The following SYNE2 variants were observed in gnomAD, a reference collection of about 807,000 sequenced individuals.
The protein encoded by SYNE2 is spectrin repeat containing nuclear envelope protein 2, also known as nesprin-2.
SYNE2 carries 431 observed loss-of-function variants against 856.3 expected under a neutral mutation model. That is an observed-to-expected ratio of 0.50 (90% CI 0.47 to 0.55). The LOEUF (loss-of-function observed/expected upper bound fraction) is 0.55, where lower values mean the gene tolerates loss of function less well. Ranked by LOEUF, SYNE2 falls within the 20% of genes least tolerant of loss-of-function variation. SYNE2 has a pLI of 0.00. For missense variants in SYNE2, 8,129 were observed against 8,023.2 expected (o/e 1.01, Z -0.50); for synonymous variants, 2,923 against 2,872.3 (o/e 1.02, Z -0.56).
At chr14:63,986,985 G>A (rs1207341071) in intron 19 of SYNE2, among the ~76,000 whole-genome samples, 2 of 152,170 alleles carry the variant, frequency 1.3e-5, no homozygotes, top group African/African-American at 2.4e-5. Flanking sequence ...TGGGCGCGGT[G>A]GCTCACACCT....
At chr14:63,799,684 C>T (rs1049475104) in intron 1 of SYNE2, among the ~76,000 whole-genome samples, 1 of 152,132 alleles carries the variant, frequency 6.6e-6, no homozygotes, top group Non-Finnish European at 1.5e-5. Flanking sequence ...CAGAGAGAGA[C>T]TCTGTCTCAA....
intron 1 of SYNE2, among the ~76,000 whole-genome samples, chr14:63,855,946 C>G (rs1891602881): frequency 6.6e-6 from 1 of 152,072 alleles, no homozygotes; most frequent in Non-Finnish European, 1.5e-5. Context: ...GAGAAGGCCT[C>G]TAGGTGGAAG....
intron 1 of SYNE2, among the ~76,000 whole-genome samples, chr14:63,818,410 C>T (rs555569795): frequency 4.0e-5 from 6 of 150,798 alleles, no homozygotes; most frequent in South Asian, 4.2e-4. Context: ...CCCAGCTACT[C>T]GAGAGGCTGA....
chr14:63,976,702 T>TA lies in SYNE2; in HGVS notation c.1269dup (p.Gln424ThrfsTer13). 1 of 1,613,658 alleles carries TA rather than the reference T, an allele frequency of 6.2e-7. No homozygotes were observed. The highest frequency in any genetic ancestry group is 8.5e-7 in the Non-Finnish European group (1 of 1,179,924). On this transcript the variant is annotated frameshift_variant, in exon 12 of 116. Transcript: ENST00000555002. LOFTEE classifies it high-confidence loss of function. ...GATCACTCTCAAGCCGTGACTCTGA[T>TA]ACAAGAGAAAATGACTTTATTCAAG...
chr14:63,798,128 C>T (rs1291615373), intron 1 of SYNE2, among the ~76,000 whole-genome samples: 1 of 152,210 alleles, frequency 6.6e-6, no homozygotes, highest in Non-Finnish European at 1.5e-5. Flanking sequence ...CAGCCTCCAT[C>T]TCCTGGGCTC....
rs564189554 is a variant in SYNE2, at chr14:63,803,431, G to A, written c.-305+41445G>A. 3.3e-5 allele frequency among the ~76,000 whole-genome samples: 5 copies of A among 152,332 alleles called. No homozygotes were observed. In the East Asian group the frequency reaches 5.8e-4, roughly 18 times the overall value. ...CCCCGCAGAAAGGCAGCTAAGGCTCGGTGAGAAATCGAGCGCAGTGCCGGT... is the reference window on the plus strand; with the variant it reads ...CCCCGCAGAAAGGCAGCTAAGGCTCAGTGAGAAATCGAGCGCAGTGCCGGT... On this transcript the variant is annotated intron_variant, in intron 1 of 23. Coordinates refer to the SYNE2 transcript ENST00000674003.
rs886382606 is a variant in SYNE2, at chr14:64,022,881, A to G, written c.5637+18A>G. The G allele has an allele frequency of 3.7e-6, 5 of 1,354,526 alleles. No individual in the cohort carries two copies. In the African/African-American group the frequency reaches 7.3e-5, roughly 20 times the overall value. The allele number at this position is 1,354,526 out of a possible 1,614,324, so 83.9% of individuals were successfully genotyped here. A position where few individuals can be genotyped will look rare whatever the true frequency, so the allele number is the denominator to read the frequency against. On this transcript the variant is annotated intron_variant, in intron 38 of 115. Coordinates refer to ENST00000555002, the MANE Select transcript of SYNE2 (RefSeq NM_182914.3). ...AACTTTCTGTAAGAGATATATGTGT[A>G]TTTTTAATAAAAATTTTCAATACTA... is the stretch of plus-strand genomic sequence containing the variant.
intron 1 of SYNE2, among the ~76,000 whole-genome samples, chr14:63,779,439 C>CA (rs35015201): frequency 0.6 from 70,528 of 118,126 alleles, 20,863 homozygotes; most frequent in South Asian, 0.75. Context: ...TGACTGGTCT[C>CA]AAAAAAAAAA....
rs969875495 is a variant in SYNE2, at chr14:64,051,718, A to G, written c.7805A>G (p.Gln2602Arg). 1.2e-6 allele frequency: 2 copies of G among 1,614,112 alleles called. No individual in the cohort carries two copies. The highest frequency in any genetic ancestry group is 2.7e-5 in the African/African-American group (2 of 74,936). ...DKKLLESQIK[Q>R]LEHGWEQVEQ... ...AAATTGTTGGAAAGCCAGATTAAGC[A>G]ACTTGAACATGGTTGGGAACAAGTG... Residue 2602 changes from glutamine to arginine, a missense_variant, in exon 48 of 116, where the codon CAA becomes CGA. Coordinates refer to ENST00000555002, the MANE Select transcript of SYNE2 (RefSeq NM_182914.3).
At chr14:63,841,868 T>C (rs2139930943) in intron 1 of SYNE2, among the ~76,000 whole-genome samples, 1 of 146,242 alleles carries the variant, frequency 6.8e-6, no homozygotes, top group East Asian at 2.0e-4. Context: ...TGTCTCATTC[T>C]GTCGCCCAGG....
At chr14:63,779,324 T>TTAAA (rs1219922124) in intron 1 of SYNE2, among the ~76,000 whole-genome samples, 4 of 80,438 alleles carry the variant, frequency 5.0e-5, no homozygotes, top group Non-Finnish European at 8.3e-5. Context: ...AAACTCCGTC[T>TTAAA]CAAATAAATA....
At chr14:64,013,837 A>G (rs1370679718) in intron 32 of SYNE2, among the ~76,000 whole-genome samples, 1 of 152,160 alleles carries the variant, frequency 6.6e-6, no homozygotes, top group African/African-American at 2.4e-5. Flanking sequence ...AAACTCACAT[A>G]TAAAAATAAT....
At chr14:63,882,559 T>TA (rs11311787) in intron 1 of SYNE2, among the ~76,000 whole-genome samples, 40 of 143,438 alleles carry the variant, frequency 2.8e-4, no homozygotes, top group East Asian at 8.2e-4. Context: ...CTACACAAAG[T>TA]AAAAAAAAAA....
Position 64,087,727 on chromosome 14 carries a change from T to A in SYNE2, c.11541T>A (p.Asp3847Glu). 2 of 1,614,160 alleles carry A rather than the reference T, an allele frequency of 1.2e-6. No individual in the cohort carries two copies. Among genetic ancestry groups the A allele is most frequent in the Non-Finnish European group, 1.7e-6 (2 of 1,180,020 alleles). ...KHNLLHSIFM[D>E]LEDLSIIFET... ...ATCTTTTACATTCAATCTTTATGGA[T>A]CTAGAAGACCTGTCAATAATTTTTG... The change falls in exon 58 of 116, where the codon GAT (aspartate) becomes GAA (glutamate). Residue 3847 changes from aspartate (D) to glutamate (E), a missense_variant. By Grantham distance (45) the Asp-to-Glu change is conservative. This residue lies in a region of SYNE2 where 5,410 missense variants were observed against 5,284.8 expected (regional missense o/e 1.02). Coordinates refer to ENST00000555002, the MANE Select transcript of SYNE2 (RefSeq NM_182914.3).
intron 53 of SYNE2, chr14:64,075,662 AATCCTAAAGGT>A: frequency 5.3e-6 from 2 of 374,750 alleles, no homozygotes; most frequent in Non-Finnish European, 5.0e-6. Context: ...GATACAATTA[AATCCTAAAGGT>A]ACTTTAGAAG....
At chr14:63,825,479 GA>G (rs1339482408) in intron 1 of SYNE2, among the ~76,000 whole-genome samples, 1 of 151,966 alleles carries the variant, frequency 6.6e-6, no homozygotes, top group Non-Finnish European at 1.5e-5. Context: ...ATTACAATTG[GA>G]AAATATCATT....
At chr14:64,053,682 A>T in intron 48 of SYNE2, 25 bp downstream of exon 48, 1 of 1,609,996 alleles carries the variant, frequency 6.2e-7, no homozygotes, top group East Asian at 2.2e-5. Context: ...TTATGCAGTT[A>T]GTGGCTGGGT....
chr14:64,031,642 C>T (rs1479015858), intron 45 of SYNE2, among the ~76,000 whole-genome samples: 1 of 152,052 alleles, frequency 6.6e-6, no homozygotes, highest in Non-Finnish European at 1.5e-5. Context: ...AGCACAAAGG[C>T]AAATTAGAAA....
chr14:63,917,283 T>C (rs1295039781), intron 2 of SYNE2, among the ~76,000 whole-genome samples: 1 of 152,098 alleles, frequency 6.6e-6, no homozygotes, highest in Non-Finnish European at 1.5e-5. Context: ...AAGCAAATTA[T>C]CTTTGGCTGG....
Sources: allele counts gnomAD v4.1 joint callset (sites outside exome capture counted in the v4.1 genomes callset), GRCh38; gene constraint gnomAD v4.1.1; regional missense constraint gnomAD v4.1.1; transcripts MANE v1.5; gene names NCBI Gene and HGNC (gene_info 2026-07-23, HGNC 2026-07-21).